The following TENM2 variants were observed in gnomAD, a reference collection of about 807,000 sequenced individuals.
The protein encoded by TENM2 is teneurin-2.
TENM2 carries 52 observed loss-of-function variants against 245.2 expected under a neutral mutation model. The observed-to-expected ratio is 0.21, with a 90% CI of 0.17 to 0.27. TENM2 has a LOEUF of 0.27. Among genes scored for constraint, TENM2 ranks in the 10% least tolerant of loss-of-function variants. The pLI is 1.00. For missense variants in TENM2, 3,046 were observed against 3,666.8 expected (o/e 0.83, Z 4.37); for synonymous variants, 1,363 against 1,438.9 (o/e 0.95, Z 1.19).
At chr5:167,627,674 C>G (rs1477615097) in intron 2 of TENM2, among the ~76,000 whole-genome samples, 1 of 151,836 alleles carries the variant, frequency 6.6e-6, no homozygotes, top group Non-Finnish European at 1.5e-5. Context: ...TCTCCTGCCT[C>G]AGTCTCCCAA....
chr5:167,647,925 G>C (rs56921614), intron 2 of TENM2, among the ~76,000 whole-genome samples: 30,861 of 152,000 alleles, frequency 0.2, 4,065 homozygotes, highest in African/African-American at 0.38. Context: ...ACTGCAAGTC[G>C]CCCTGAAGTT....
In TENM2 at chr5:167,862,414, T is replaced by C. The variant is rs560373936; in HGVS notation, c.503-13572T>C. On this transcript the variant is annotated intron_variant, in intron 2 of 28. Coordinates refer to ENST00000518659, the Ensembl canonical transcript of TENM2. The stretch of plus-strand genomic sequence containing the variant: ...AAACATCTCTCCATCCACATCTTTT[T>C]AGCCATAACTAAGCAATGTGCTATT... Among the ~76,000 whole-genome samples, 32 of 152,358 alleles carry C rather than the reference T, an allele frequency of 2.1e-4. No homozygotes were observed. The East Asian group carries it at 6.0e-3, about 28-fold the overall frequency.
intron 1 of TENM2, among the ~76,000 whole-genome samples, chr5:167,312,780 C>T (rs1263605999): frequency 6.6e-6 from 1 of 151,712 alleles, no homozygotes; most frequent in Non-Finnish European, 1.5e-5. Flanking sequence ...TGTGATGCTG[C>T]TCAAATTTGT....
chr5:167,676,474 G>A (rs1414601455), intron 2 of TENM2, among the ~76,000 whole-genome samples: 1 of 152,076 alleles, frequency 6.6e-6, no homozygotes, highest in Non-Finnish European at 1.5e-5. Flanking sequence ...GTACTCAAGA[G>A]TACTTTGACA....
At chr5:167,228,800 GT>G in the TENM2 span, among the ~76,000 whole-genome samples, 1 of 151,760 alleles carries the variant, frequency 6.6e-6, no homozygotes, top group East Asian at 2.0e-4. Flanking sequence ...CGCCTCCTGT[GT>G]TCACACCATT....
chr5:167,162,629 A>G, the TENM2 span, among the ~76,000 whole-genome samples: 9 of 148,880 alleles, frequency 6.0e-5, no homozygotes, highest in East Asian at 1.8e-3. Flanking sequence ...TGTATCTAAA[A>G]AAAAAAAACA....
chr5:167,474,756 T>C (rs751013451), intron 2 of TENM2, among the ~76,000 whole-genome samples: 1 of 152,174 alleles, frequency 6.6e-6, no homozygotes, highest in Non-Finnish European at 1.5e-5. Flanking sequence ...CCTCAGGTGA[T>C]CCGCTCGCCT....
At chr5:167,433,956 A>G (rs960722743) in intron 2 of TENM2, among the ~76,000 whole-genome samples, 4 of 152,214 alleles carry the variant, frequency 2.6e-5, no homozygotes, top group Non-Finnish European at 5.9e-5. Flanking sequence ...AAAATTATCA[A>G]TGTAACATAT....
At chr5:167,979,804 A>G (rs1242423297) in intron 4 of TENM2, among the ~76,000 whole-genome samples, 1 of 152,218 alleles carries the variant, frequency 6.6e-6, no homozygotes. Context: ...AGATGACTTC[A>G]CAACAGATTT....
At chr5:167,685,112 G>A (rs1407244844) in intron 2 of TENM2, among the ~76,000 whole-genome samples, 1 of 152,064 alleles carries the variant, frequency 6.6e-6, no homozygotes, top group Non-Finnish European at 1.5e-5. Flanking sequence ...CATTACTGTC[G>A]ACCTTTTCAG....
chr5:167,556,116 A>T (rs1373802684), intron 2 of TENM2, among the ~76,000 whole-genome samples: 1 of 152,174 alleles, frequency 6.6e-6, no homozygotes. Flanking sequence ...TGCCTCTGTC[A>T]TCTGTTTCCA....
intron 5 of TENM2, among the ~76,000 whole-genome samples, chr5:168,045,798 TGAAGCCA>T (rs1788559001): frequency 6.6e-6 from 1 of 152,216 alleles, no homozygotes; most frequent in East Asian, 1.9e-4. Context: ...ATCGTTATCT[TGAAGCCA>T]CCATGATTAG....
intron 2 of TENM2, among the ~76,000 whole-genome samples, chr5:167,862,656 C>G (rs770236404): frequency 2.0e-5 from 3 of 152,164 alleles, no homozygotes; most frequent in East Asian, 1.9e-4. Flanking sequence ...CCTAAGTGAG[C>G]CTTCAGAGAA....
At chr5:167,850,485 A>G (rs980262994) in intron 2 of TENM2, among the ~76,000 whole-genome samples, 49 of 152,360 alleles carry the variant, frequency 3.2e-4, no homozygotes, top group African/African-American at 1.1e-3. Flanking sequence ...CTGTACTAGA[A>G]TATAAGGCAG....
At chr5:167,740,417 T>G (rs533915920) in intron 2 of TENM2, among the ~76,000 whole-genome samples, 1 of 152,286 alleles carries the variant, frequency 6.6e-6, no homozygotes, top group South Asian at 2.1e-4. Flanking sequence ...GCTTCTCTTG[T>G]GTGTTTTTGG....
intron 2 of TENM2, among the ~76,000 whole-genome samples, chr5:167,868,970 C>T (rs910113639): frequency 2.0e-5 from 3 of 152,164 alleles, no homozygotes; most frequent in African/African-American, 7.2e-5. Flanking sequence ...AACATCTCCA[C>T]TCTTCACAAC....
At chr5:167,564,193 G>A (rs148708537) in intron 2 of TENM2, among the ~76,000 whole-genome samples, 97 of 152,330 alleles carry the variant, frequency 6.4e-4, no homozygotes, top group South Asian at 4.6e-3. Flanking sequence ...GAGAATTGGG[G>A]GCAAGGAGAT....
At chr5:167,276,350 TTTTGTGTGTGTGTGTGTGTGTGTGTG>T in the TENM2 span, among the ~76,000 whole-genome samples, 54 of 143,716 alleles carry the variant, frequency 3.8e-4, 2 homozygotes, top group South Asian at 0.011. Flanking sequence ...AGCCTGTTCA[TTTTGTGTGTGTGTGTGTGTGTGTGTG>T]TGTGTGTGTG....
At chr5:167,775,385 A>T (rs908966933) in intron 2 of TENM2, among the ~76,000 whole-genome samples, 1 of 152,210 alleles carries the variant, frequency 6.6e-6, no homozygotes, top group Non-Finnish European at 1.5e-5. Flanking sequence ...TTGGAAAAAA[A>T]TATCATGAGA....
Sources: allele counts gnomAD v4.1 joint callset (sites outside exome capture counted in the v4.1 genomes callset), GRCh38; gene constraint gnomAD v4.1.1; transcripts MANE v1.5; gene names NCBI Gene and HGNC (gene_info 2026-07-23, HGNC 2026-07-21).